Variants in AKAP12 observed in about 807,000 individuals in gnomAD.
AKAP12 encodes the protein A-kinase anchoring protein 12.
AKAP12 carries 32 observed loss-of-function variants against 79.9 expected under a neutral mutation model. The observed-to-expected ratio is 0.40, with a 90% CI of 0.30 to 0.54. The LOEUF is 0.54. Among genes scored for constraint, AKAP12 ranks in the 20% least tolerant of loss-of-function variants. The pLI, the probability that AKAP12 is intolerant of heterozygous loss-of-function variation, is 0.48. For missense variants in AKAP12, 2,074 were observed against 2,177.0 expected, an observed-to-expected ratio of 0.95 and a Z score of 0.94; for synonymous variants, 808 against 857.0, an observed-to-expected ratio of 0.94 and a Z score of 1.00.
intron 2 of AKAP12, among the ~76,000 whole-genome samples, chr6:151,270,256 C>G (rs1776154667): frequency 6.6e-6 from 1 of 152,172 alleles, no homozygotes; most frequent in Non-Finnish European, 1.5e-5. Context: ...TGGAATTTCT[C>G]CATGTTGGTC....
In AKAP12 at chr6:151,282,777, A is replaced by G. The variant is rs533798839; in HGVS notation, c.163-22970A>G. Among the ~76,000 whole-genome samples, 4 of 152,262 alleles carry G rather than the reference A, an allele frequency of 2.6e-5. No individual in the cohort carries two copies. The East Asian group carries it at 7.7e-4, about 29-fold the overall frequency. On this transcript the variant is annotated intron_variant, in intron 2 of 4. Transcript: ENST00000402676. ...TTGAATAATGTTTTCCCTGCTGTCT[A>G]CCTATCAGGTTATTCATTCCTGATT...
intron 3 of AKAP12, among the ~76,000 whole-genome samples, chr6:151,348,017 CAAAA>C (rs34068923): frequency 2.8e-5 from 4 of 142,710 alleles, no homozygotes; most frequent in African/African-American, 8.4e-5. Flanking sequence ...ACTAAAAATA[CAAAA>C]AAAAAAAAAT....
intron 3 of AKAP12, among the ~76,000 whole-genome samples, chr6:151,336,077 GTTGCTGCAAAGGACATGATTTCC>G (rs1438272668): frequency 6.6e-6 from 1 of 152,132 alleles, no homozygotes; most frequent in African/African-American, 2.4e-5. Flanking sequence ...ATCCTTCCAT[GTTGCTGCAAAGGACATGATTTCC>G]TTCTTTTTCA....
At position 151,272,696 on chromosome 6, in the gene AKAP12, C is replaced by T. The variant is rs548067821; in HGVS notation, c.162+31972C>T. 2.0e-5 allele frequency among the ~76,000 whole-genome samples: 3 copies of T among 152,188 alleles called. No individual in the cohort carries two copies. In the South Asian group the frequency reaches 6.2e-4, roughly 32 times the overall value. On this transcript the variant is annotated intron_variant, in intron 2 of 4. Coordinates refer to ENST00000402676, the MANE Select transcript of AKAP12 (RefSeq NM_005100.4). ...GATTACAGGCATGTGCTGCCACGCC[C>T]TGTTCATTTTTGTATTTTTAGTAGA... is the stretch of plus-strand genomic sequence containing the variant.
At chr6:151,316,049 G>A (rs1777225688) in intron 3 of AKAP12, among the ~76,000 whole-genome samples, 1 of 151,988 alleles carries the variant, frequency 6.6e-6, no homozygotes, top group African/African-American at 2.4e-5. Flanking sequence ...GATTTGGGTG[G>A]GGACACAGAC....
At chr6:151,312,513 C>T (rs547878814) in intron 3 of AKAP12, among the ~76,000 whole-genome samples, 18 of 151,610 alleles carry the variant, frequency 1.2e-4, no homozygotes, top group East Asian at 1.9e-4. Context: ...TGAGGACGGC[C>T]GGGCACGGTG....
At chr6:151,248,754 C>T (rs1192205407) in intron 2 of AKAP12, among the ~76,000 whole-genome samples, 1 of 152,116 alleles carries the variant, frequency 6.6e-6, no homozygotes, top group Non-Finnish European at 1.5e-5. Context: ...CTTTGGGAGG[C>T]CGAGGCGGGC....
chr6:151,278,076 G>A (rs17081014), intron 2 of AKAP12, among the ~76,000 whole-genome samples: 20,832 of 152,182 alleles, frequency 0.14, 1,949 homozygotes, highest in Admixed American at 0.31. Flanking sequence ...TGATGAAAAT[G>A]TATCACTTAA....
chr6:151,248,416 A>G (rs886295257), intron 2 of AKAP12, among the ~76,000 whole-genome samples: 1 of 151,988 alleles, frequency 6.6e-6, no homozygotes, highest in African/African-American at 2.4e-5. Flanking sequence ...GTAGTCTTAA[A>G]ATGCTCATCA....
At chr6:151,329,844 A>T (rs1009582206) in intron 3 of AKAP12, among the ~76,000 whole-genome samples, 1 of 152,202 alleles carries the variant, frequency 6.6e-6, no homozygotes, top group Non-Finnish European at 1.5e-5. Flanking sequence ...CCCCATTTCT[A>T]TCATAAAAGT....
intron 2 of AKAP12, among the ~76,000 whole-genome samples, chr6:151,271,699 G>A (rs528380064): frequency 1.3e-5 from 2 of 151,910 alleles, no homozygotes; most frequent in East Asian, 1.9e-4. Context: ...CAGCTCTGTC[G>A]CCCAGGCTGG....
chr6:151,336,702 C>A (rs550038228), intron 3 of AKAP12, among the ~76,000 whole-genome samples: 2 of 152,272 alleles, frequency 1.3e-5, no homozygotes, highest in Non-Finnish European at 2.9e-5. Flanking sequence ...GAGATCACAC[C>A]ACTGCACTCC....
chr6:151,247,779 C>T (rs895155456), intron 2 of AKAP12, among the ~76,000 whole-genome samples: 21 of 152,180 alleles, frequency 1.4e-4, no homozygotes, highest in Middle Eastern at 3.2e-3. Context: ...CGGCAAACAG[C>T]CTGGCTCTGT....
chr6:151,351,172 T>C lies in AKAP12; in HGVS notation c.2781T>C (p.Ala927=), dbSNP rs1256869719. The C allele has an allele frequency of 1.2e-6, 2 of 1,614,078 alleles. No individual in the cohort carries two copies. The highest frequency in any genetic ancestry group is 1.7e-6 in the Non-Finnish European group (2 of 1,180,050). The change falls in exon 4 of 5, where the codon GCT becomes GCC. Residue 927 remains alanine, a synonymous_variant. Transcript: ENST00000402676. This position sits in a 1 kb window ranked among gnomAD's most constrained non-coding sequence, Gnocchi z 4.4. ...SVTEPLEQVE[A]EAALLTEEVL... ...CAGAACCTCTTGAACAAGTAGAAGC[T>C]GAAGCCGCACTGTTAACTGAGGAGG... is the stretch of plus-strand genomic sequence containing the variant.
At chr6:151,299,478 ATTGTTC>A (rs1776808122) in intron 2 of AKAP12, among the ~76,000 whole-genome samples, 1 of 152,184 alleles carries the variant, frequency 6.6e-6, no homozygotes, top group Non-Finnish European at 1.5e-5. Flanking sequence ...TTTGGTACAT[ATTGTTC>A]CAGACTTTAA....
chr6:151,304,643 T>C (rs12660950), intron 2 of AKAP12, among the ~76,000 whole-genome samples: 135,954 of 151,490 alleles, frequency 0.9, 61,191 homozygotes, highest in East Asian at 0.99. Context: ...CTGCTCGCTG[T>C]AACCTCCACC....
At chr6:151,346,598 C>T (rs562316535) in intron 3 of AKAP12, among the ~76,000 whole-genome samples, 132 of 152,292 alleles carry the variant, frequency 8.7e-4, no homozygotes, top group Non-Finnish European at 1.6e-3. Flanking sequence ...CACCAGGAAG[C>T]GCGATGGCAT....
At chr6:151,251,041 A>G (rs1388995488) in intron 2 of AKAP12, among the ~76,000 whole-genome samples, 1 of 152,206 alleles carries the variant, frequency 6.6e-6, no homozygotes, top group Non-Finnish European at 1.5e-5. Context: ...TTCAACAGCA[A>G]AGATTCCAAT....
At chr6:151,273,801 G>A (rs1407120519) in intron 2 of AKAP12, among the ~76,000 whole-genome samples, 2 of 151,992 alleles carry the variant, frequency 1.3e-5, no homozygotes, top group South Asian at 2.1e-4. Flanking sequence ...AGGCTGAGGC[G>A]GGTGGATCAT....
Sources: allele counts gnomAD v4.1 joint callset (sites outside exome capture counted in the v4.1 genomes callset), GRCh38; gene constraint gnomAD v4.1.1; non-coding constraint Gnocchi (gnomAD v3.1); transcripts MANE v1.5; gene names NCBI Gene and HGNC (gene_info 2026-07-23, HGNC 2026-07-21).